CDKL1: variants seen among roughly 807,000 people sequenced by gnomAD.
The protein encoded by CDKL1 is cyclin-dependent kinase-like 1.
In CDKL1, 41 loss-of-function variants were observed where a neutral mutation model predicts 42.0. That is an observed-to-expected ratio of 0.98 (90% CI 0.76 to 1.27). The LOEUF is 1.27. Among genes scored for constraint, CDKL1 ranks in the 50% most tolerant of loss-of-function variants. The pLI, the probability that CDKL1 is intolerant of heterozygous loss-of-function variation, is 0.00. For missense variants in CDKL1, 394 were observed against 428.4 expected (o/e 0.92, Z 0.71); for synonymous variants, 153 against 158.6 (o/e 0.96, Z 0.26).
chr14:50,334,147 T>G (rs1478255507), intron 8 of CDKL1: 1 of 153,326 alleles, frequency 6.5e-6, no homozygotes, highest in Non-Finnish European at 1.4e-5. Context: ...GAAAATATAC[T>G]TTTCCAAGGA....
intron 2 of CDKL1, among the ~76,000 whole-genome samples, chr14:50,371,685 G>A (rs2034595302): frequency 6.6e-6 from 1 of 152,220 alleles, no homozygotes; most frequent in Non-Finnish European, 1.5e-5. Flanking sequence ...GGCAGGAGCT[G>A]GGAACAGATG....
At position 50,329,965 on chromosome 14, in the gene CDKL1, T is replaced by C. The variant is rs1157820942; in HGVS notation, c.*109A>G. ...GCCTCCCAGTTTCTTGCTTATGTTTTCTCCTGGTGTGTTTTCAACATTGTA... is the reference window on the plus strand; with the variant it reads ...GCCTCCCAGTTTCTTGCTTATGTTTCCTCCTGGTGTGTTTTCAACATTGTA... On this transcript the variant is annotated 3_prime_UTR_variant, in exon 10 of 10. Transcript: ENST00000395834. 5.3e-6 allele frequency: 7 copies of C among 1,319,272 alleles called. No individual in the cohort carries two copies. The East Asian group carries it at 1.7e-4, about 32-fold the overall frequency. The allele number at this position is 1,319,272 out of a possible 1,614,324, so 81.7% of individuals were successfully genotyped here.
intron 2 of CDKL1, among the ~76,000 whole-genome samples, chr14:50,361,098 C>A (rs2034234072): frequency 6.6e-6 from 1 of 152,050 alleles, no homozygotes; most frequent in Non-Finnish European, 1.5e-5. Flanking sequence ...CACCTACATT[C>A]CCCAGGTGAT....
intron 2 of CDKL1, among the ~76,000 whole-genome samples, chr14:50,377,244 G>T (rs556896450): frequency 6.6e-6 from 1 of 152,314 alleles, no homozygotes; most frequent in East Asian, 1.9e-4. Flanking sequence ...GTGTGATGCT[G>T]AGGTGTGGGA....
rs368793081 is a variant in CDKL1 at position 50,359,092 on chromosome 14, G to C, written c.226C>G (p.Leu76Val). The stretch of plus-strand genomic sequence containing the variant: ...TCACAATATTCAAACACCAGGTGAA[G>C]CCTCCGTTTCCTCCTGAAGACTTCC... ...LLEVFRRKRR[L>V]HLVFEYCDHT... The change falls in exon 3 of 10, where the codon CTT (leucine) becomes GTT (valine). Residue 76 changes from leucine (L) to valine (V), a missense_variant. By Grantham distance (32) the Leu-to-Val change is conservative (BLOSUM62 1). Coordinates refer to ENST00000395834, the MANE Select transcript of CDKL1 (RefSeq NM_004196.7). 5.6e-6 allele frequency: 9 copies of C among 1,612,946 alleles called. No individual in the cohort carries two copies. The African/African-American group carries it at 9.3e-5, about 17-fold the overall frequency.
chr14:50,388,133 C>T (rs943107698), intron 2 of CDKL1, among the ~76,000 whole-genome samples: 2 of 152,174 alleles, frequency 1.3e-5, no homozygotes, highest in African/African-American at 4.8e-5. Flanking sequence ...TCGTGATCCA[C>T]CTGCCTCAGC....
chr14:50,335,982 C>A lies in CDKL1; in HGVS notation c.739-1361G>T, dbSNP rs1445282699. The A allele has an allele frequency of 4.4e-6, 6 of 1,366,662 alleles. No homozygotes were observed. In the African/African-American group the frequency reaches 8.9e-5, roughly 20 times the overall value. 84.7% of individuals were successfully genotyped at this position (1,366,662 alleles called of 1,614,324 possible). Reference sequence around the variant, plus strand: ...TTGACAGTAGCCCCTGTTGCACCCTCATACTTCCACTCATGCTCCATAGCT... The same window carrying A: ...TTGACAGTAGCCCCTGTTGCACCCTAATACTTCCACTCATGCTCCATAGCT... On this transcript the variant is annotated intron_variant, in intron 7 of 9. Transcript: ENST00000395834.
At chr14:50,392,663 A>G (rs1459920377) in intron 2 of CDKL1, among the ~76,000 whole-genome samples, 1 of 151,834 alleles carries the variant, frequency 6.6e-6, no homozygotes, top group Non-Finnish European at 1.5e-5. Flanking sequence ...ACAGCTTTAA[A>G]TACCATCGAT....
At chr14:50,389,277 G>A (rs963114168) in intron 2 of CDKL1, among the ~76,000 whole-genome samples, 1 of 151,928 alleles carries the variant, frequency 6.6e-6, no homozygotes, top group Non-Finnish European at 1.5e-5. Context: ...AAAATCAAAT[G>A]AGAGCCTACT....
chr14:50,389,114 A>G (rs1397705042), intron 2 of CDKL1, among the ~76,000 whole-genome samples: 1 of 151,190 alleles, frequency 6.6e-6, no homozygotes, highest in Non-Finnish European at 1.5e-5. Context: ...AAAAAAAAAA[A>G]AAAAAAAAAG....
At chr14:50,390,257 T>A in intron 2 of CDKL1, 2 of 1,366,382 alleles carry the variant, frequency 1.5e-6, no homozygotes, top group Non-Finnish European at 2.0e-6. Context: ...GTCTAATATA[T>A]TTTAACGCCC....
At chr14:50,355,800 C>G (rs7140637) in intron 3 of CDKL1, among the ~76,000 whole-genome samples, 109,470 of 152,140 alleles carry the variant, frequency 0.72, 40,439 homozygotes, top group African/African-American at 0.9. Flanking sequence ...CTTCCAGGTA[C>G]AATAGAGAAA....
intron 3 of CDKL1, among the ~76,000 whole-genome samples, chr14:50,351,084 C>T (rs1027219809): frequency 2.6e-5 from 4 of 151,980 alleles, no homozygotes; most frequent in Middle Eastern, 3.4e-3. Flanking sequence ...AGGGTGTGGG[C>T]GGGAGAGGGG....
chr14:50,388,631 G>C (rs2035157884), intron 2 of CDKL1, among the ~76,000 whole-genome samples: 1 of 152,140 alleles, frequency 6.6e-6, no homozygotes, highest in Non-Finnish European at 1.5e-5. Context: ...TTGCATCCTT[G>C]AGGCTGCTTG....
chr14:50,352,318 G>A (rs537503895), intron 3 of CDKL1, among the ~76,000 whole-genome samples: 121 of 150,912 alleles, frequency 8.0e-4, no homozygotes, highest in African/African-American at 2.9e-3. Flanking sequence ...GCCTAAGGTA[G>A]CACAATTATA....
chr14:50,376,494 T>C (rs1354554741), intron 2 of CDKL1: 1 of 399,112 alleles, frequency 2.5e-6, no homozygotes, highest in African/African-American at 2.1e-5. Flanking sequence ...TTGTGCTATA[T>C]TCAGACCAGG....
chr14:50,335,592 A>G lies in CDKL1; in HGVS notation c.739-971T>C, dbSNP rs137885058. On this transcript the variant is annotated intron_variant, in intron 7 of 9. Transcript: ENST00000395834. ...ATGGGAGGAATGCCGAATGTCAGGC[A>G]GACAAACAGGCCAGTTAAAGAGACA... 4.3e-4 allele frequency: 666 copies of G among 1,535,102 alleles called. 3 individuals are homozygous for G. The African/African-American group carries it at 6.9e-3, about 16-fold the overall frequency.
intron 2 of CDKL1, chr14:50,378,127 C>T (rs1322261847): frequency 5.2e-6 from 7 of 1,351,412 alleles, no homozygotes; most frequent in Non-Finnish European, 6.9e-6. Flanking sequence ...ACCTTCAGGG[C>T]TAGGAAAAGC....
At chr14:50,383,933 A>T (rs144667800) in intron 2 of CDKL1, among the ~76,000 whole-genome samples, 314 of 152,324 alleles carry the variant, frequency 2.1e-3, no homozygotes, top group Middle Eastern at 6.8e-3. Flanking sequence ...CCGGAATATA[A>T]TCTTTCTAGA....
Sources: gnomAD v4.1 joint callset for allele counts (sites outside exome capture counted in the v4.1 genomes callset) on GRCh38, gnomAD v4.1.1 for gene constraint, MANE v1.5 for transcripts, NCBI Gene and HGNC (gene_info 2026-07-23, HGNC 2026-07-21) for gene names.